SAFB: variants seen among roughly 807,000 people sequenced by gnomAD.
SAFB encodes the protein scaffold attachment factor B.
SAFB carries 15 observed loss-of-function variants against 101.6 expected under a neutral mutation model. The observed-to-expected ratio is 0.15, with a 90% CI of 0.10 to 0.23. The LOEUF (loss-of-function observed/expected upper bound fraction) is 0.23. Ranked by LOEUF, SAFB falls within the 10% of genes least tolerant of loss-of-function variation. The pLI is 1.00. For synonymous variants in SAFB, 449 were observed against 407.5 expected (o/e 1.10, Z -1.23); for missense variants, 930 against 1,104.1 (o/e 0.84, Z 2.23).
chr19:5,640,967 T>C (rs563095288), intron 2 of SAFB, among the ~76,000 whole-genome samples: 6 of 151,636 alleles, frequency 4.0e-5, no homozygotes, highest in Admixed American at 6.6e-5. Context: ...TTCGCTCTTG[T>C]TGCCCAGGCT....
intron 7 of SAFB, 157 bp downstream of exon 7, chr19:5,649,656 A>G: frequency 4.9e-6 from 3 of 607,996 alleles, no homozygotes; most frequent in East Asian, 2.8e-5. Flanking sequence ...TGTGTTTTTA[A>G]TGGGTGATTC....
Position 5,650,894 on chromosome 19 carries a change from C to A in SAFB, c.1199-84C>A. On this transcript the variant is annotated intron_variant, in intron 8 of 20. Coordinates refer to ENST00000588852, the MANE Select transcript of SAFB (RefSeq NM_001201338.2). ...GCCACTGCCTCAGGAAAAATGGGAA[C>A]CATGTCTCTTTTGGAAAGGTTGTCT... is the stretch of plus-strand genomic sequence containing the variant. 4 of 890,762 alleles carry A rather than the reference C, an allele frequency of 4.5e-6. No homozygotes were observed. The South Asian group carries it at 5.0e-5, about 11-fold the overall frequency. 55.2% of individuals were successfully genotyped at this position (890,762 alleles called of 1,614,324 possible).
intron 14 of SAFB, among the ~76,000 whole-genome samples, chr19:5,660,333 T>C (rs1338578113): frequency 1.4e-5 from 2 of 139,514 alleles, no homozygotes; most frequent in Admixed American, 1.5e-4. Context: ...AGTAGCTCCC[T>C]GCACACACCT....
intron 16 of SAFB, 103 bp from the exon 17 acceptor site, chr19:5,664,294 C>T (rs2054281932): frequency 6.9e-7 from 1 of 1,441,580 alleles, no homozygotes; most frequent in Non-Finnish European, 9.7e-7. Flanking sequence ...GGTCTCCTGC[C>T]TTCAGTTAGG....
intron 4 of SAFB, among the ~76,000 whole-genome samples, chr19:5,642,984 C>T (rs900875743): frequency 6.6e-6 from 1 of 151,974 alleles, no homozygotes; most frequent in Admixed American, 6.6e-5. Context: ...TTTAATTCTT[C>T]TAATAGCAAC....
chr19:5,650,122 C>T (rs78510112), intron 8 of SAFB, 147 bp downstream of exon 8: 15,395 of 652,454 alleles, frequency 0.024, 233 homozygotes, highest in Non-Finnish European at 0.029. Flanking sequence ...CTGCTGTTAC[C>T]GCTACAGGTT....
Position 5,641,521 on chromosome 19 carries a change from A to ACTTGTGT in SAFB, c.275-73_275-72insCTTGTGT. 5.0e-6 allele frequency: 6 copies of ACTTGTGT among 1,207,170 alleles called. No individual in the cohort carries two copies. In the East Asian group the frequency reaches 1.5e-4, roughly 30 times the overall value. The allele number at this position is 1,207,170 out of a possible 1,614,324, so 74.8% of individuals were successfully genotyped here. On this transcript the variant is annotated intron_variant, in intron 2 of 20. Transcript: ENST00000588852. Reference sequence around the variant, plus strand: ...ATGTTTATAAAGTGACCACTTGTGTAGTGCTCAGGGCATTGTTGCTTCTGT... The same window carrying ACTTGTGT: ...ATGTTTATAAAGTGACCACTTGTGTACTTGTGTGTGCTCAGGGCATTGTTGCTTCTGT...
intron 14 of SAFB, among the ~76,000 whole-genome samples, chr19:5,658,246 C>T (rs1230957257): frequency 6.6e-6 from 1 of 152,172 alleles, no homozygotes; most frequent in Non-Finnish European, 1.5e-5. Context: ...GATCTGCCTG[C>T]CTCGGCCTCC....
intron 1 of SAFB, among the ~76,000 whole-genome samples, chr19:5,626,144 C>T (rs890711575): frequency 1.3e-5 from 2 of 152,100 alleles, no homozygotes; most frequent in African/African-American, 4.8e-5. Context: ...TTATTATTAG[C>T]CGCATGTTCC....
At chr19:5,642,770 TC>T (rs1174789029) in intron 4 of SAFB, among the ~76,000 whole-genome samples, 1 of 146,114 alleles carries the variant, frequency 6.8e-6, no homozygotes, top group Non-Finnish European at 1.5e-5. Context: ...TCAAGTGATC[TC>T]CTCCCTCAGC....
At chr19:5,661,412 G>A in intron 14 of SAFB, 106 bp from the exon 15 acceptor site, 1 of 1,533,968 alleles carries the variant, frequency 6.5e-7, no homozygotes, top group Non-Finnish European at 8.8e-7. Context: ...CCACGTAGTG[G>A]ACGCACAGCC....
At chr19:5,651,352 C>G (rs1265153090) in intron 9 of SAFB, among the ~76,000 whole-genome samples, 1 of 152,180 alleles carries the variant, frequency 6.6e-6, no homozygotes, top group Non-Finnish European at 1.5e-5. Context: ...ACGTCGCACT[C>G]AGGCTGGGCT....
chr19:5,643,294 A>G (rs2053761228), intron 4 of SAFB, among the ~76,000 whole-genome samples: 1 of 151,978 alleles, frequency 6.6e-6, no homozygotes, highest in African/African-American at 2.4e-5. Context: ...GGTCTTCCGC[A>G]GTGAGTGCTT....
chr19:5,631,616 G>A (rs2053491149), intron 2 of SAFB, among the ~76,000 whole-genome samples: 1 of 152,140 alleles, frequency 6.6e-6, no homozygotes, highest in African/African-American at 2.4e-5. Flanking sequence ...CTTGGACTTG[G>A]AGAAAATGAC....
At chr19:5,650,120 AC>A (rs1214034666) in intron 8 of SAFB, 145 bp downstream of exon 8, 14 of 658,320 alleles carry the variant, frequency 2.1e-5, no homozygotes, top group Non-Finnish European at 3.5e-5. Context: ...CTCTGCTGTT[AC>A]CGCTACAGGT....
At chr19:5,648,496 AAG>A (rs1446688473) in intron 6 of SAFB, 10 of 283,012 alleles carry the variant, frequency 3.5e-5, no homozygotes, top group Non-Finnish European at 5.4e-5. Flanking sequence ...CAGAAGAGGA[AAG>A]AGTGTCTTCA....
intron 2 of SAFB, among the ~76,000 whole-genome samples, chr19:5,632,019 C>CA (rs1261392145): frequency 2.6e-5 from 4 of 152,150 alleles, no homozygotes; most frequent in Non-Finnish European, 4.4e-5. Context: ...GATTGCTCTC[C>CA]AACCTGGTAA....
intron 13 of SAFB, 30 bp from the exon 14 acceptor site, chr19:5,657,211 T>C (rs760367959): frequency 1.3e-6 from 2 of 1,579,796 alleles, no homozygotes; most frequent in South Asian, 1.1e-5. Flanking sequence ...GGCCTCTGCT[T>C]TAACTTTTTA....
intron 1 of SAFB, chr19:5,624,061 G>T (rs1034078403): frequency 6.6e-6 from 1 of 152,140 alleles, no homozygotes; most frequent in East Asian, 1.9e-4. Context: ...GGGAGACCCC[G>T]GGTGGACTTT....
Sources: gnomAD v4.1 joint callset for allele counts (sites outside exome capture counted in the v4.1 genomes callset) on GRCh38, gnomAD v4.1.1 for gene constraint, MANE v1.5 for transcripts, NCBI Gene and HGNC (gene_info 2026-07-23, HGNC 2026-07-21) for gene names.